KCNK10: variants seen among roughly 807,000 people sequenced by gnomAD.
KCNK10 encodes the protein potassium two pore domain channel subfamily K member 10, also known as potassium channel subfamily K member 10.
A neutral mutation model predicts 47.7 loss-of-function variants in KCNK10; 25 were observed. The ratio of observed to expected loss-of-function variants is 0.52; its 90% CI spans 0.38 to 0.73. The LOEUF is 0.73. Among genes scored for constraint, KCNK10 ranks in the 30% least tolerant of loss-of-function variants. KCNK10 has a pLI of 0.00. For missense variants in KCNK10, 563 were observed against 714.5 expected, an observed-to-expected ratio of 0.79 and a Z score of 2.42; for synonymous variants, 303 against 285.6, an observed-to-expected ratio of 1.06 and a Z score of -0.61.
intron 4 of KCNK10, among the ~76,000 whole-genome samples, chr14:88,193,558 CA>C (rs1167940533): frequency 1.3e-5 from 2 of 152,194 alleles, no homozygotes; most frequent in East Asian, 3.9e-4. Flanking sequence ...GGCCTTTCTA[CA>C]TTGCCTAGAT....
At chr14:88,301,141 T>C (rs1201916590) in intron 1 of KCNK10, among the ~76,000 whole-genome samples, 1 of 152,216 alleles carries the variant, frequency 6.6e-6, no homozygotes, top group Non-Finnish European at 1.5e-5. Context: ...GAGAATAACA[T>C]TCCTTGACAG....
intron 6 of KCNK10, among the ~76,000 whole-genome samples, chr14:88,187,681 A>AT (rs879752351): frequency 1.3e-5 from 2 of 148,834 alleles, no homozygotes; most frequent in African/African-American, 5.0e-5. Context: ...TTTCATTTTC[A>AT]TTTTTTTAAA....
intron 3 of KCNK10, among the ~76,000 whole-genome samples, chr14:88,232,387 G>A (rs2139879056): frequency 6.6e-6 from 1 of 152,270 alleles, no homozygotes; most frequent in East Asian, 1.9e-4. Context: ...CCTAACTAGT[G>A]GAAAATTGCT....
rs1340507424 is a variant in KCNK10, at chr14:88,182,898, T to G, written c.*2637A>C. On this transcript the variant is annotated 3_prime_UTR_variant, in exon 7 of 7. Coordinates refer to ENST00000319231, the MANE Select transcript of KCNK10 (RefSeq NM_138317.3). ...TTTAAAGGGTGCCACATACAAAATT[T>G]CCAAAACCAAATAAATGTACAGTAG... 1 of 152,292 alleles carries G rather than the reference T, an allele frequency of 6.6e-6. No individual in the cohort carries two copies. The highest frequency in any genetic ancestry group is 1.5e-5 in the Non-Finnish European group (1 of 68,042). The allele number at this position is 152,292 out of a possible 1,614,324, so 9.4% of individuals were successfully genotyped here.
At position 88,184,786 on chromosome 14, in the gene KCNK10, C is replaced by T. The variant is rs964667171; in HGVS notation, c.*749G>A. On this transcript the variant is annotated 3_prime_UTR_variant, in exon 7 of 7. Coordinates refer to ENST00000319231, the MANE Select transcript of KCNK10 (RefSeq NM_138317.3). ...CGCAGCAGTTGATGTCATGTTTTCA[C>T]CACTGCTCGCCAGTTCATGTGGACT... The T allele has an allele frequency of 1.0e-4, 16 of 152,392 alleles. No individual in the cohort carries two copies. Among genetic ancestry groups the T allele is most frequent in the Non-Finnish European group, 2.2e-4 (15 of 68,060 alleles). 9.4% of individuals were successfully genotyped at this position (152,392 alleles called of 1,614,324 possible).
intron 4 of KCNK10, among the ~76,000 whole-genome samples, chr14:88,192,708 G>A (rs1395448391): frequency 2.6e-5 from 4 of 152,212 alleles, no homozygotes; most frequent in Non-Finnish European, 2.9e-5. Context: ...TTCCATGACT[G>A]CAGCCCAAAT....
intron 1 of KCNK10, among the ~76,000 whole-genome samples, chr14:88,291,197 A>G (rs1595124824): frequency 6.6e-6 from 1 of 152,170 alleles, no homozygotes; most frequent in African/African-American, 2.4e-5. Flanking sequence ...CTAACTGTGC[A>G]CAGAAGCCAG....
At chr14:88,308,196 T>A (rs11627082) in intron 1 of KCNK10, among the ~76,000 whole-genome samples, 49,431 of 151,940 alleles carry the variant, frequency 0.33, 9,072 homozygotes, top group African/African-American at 0.5. Context: ...CTTAAAACAG[T>A]GCAGAAACCT....
chr14:88,306,220 T>C (rs1888199974), intron 1 of KCNK10, among the ~76,000 whole-genome samples: 1 of 152,148 alleles, frequency 6.6e-6, no homozygotes, highest in Non-Finnish European at 1.5e-5. Context: ...GAAATTCCTA[T>C]ACAACAAGCA....
chr14:88,292,962 G>C (rs1887912702), intron 1 of KCNK10, among the ~76,000 whole-genome samples: 2 of 151,646 alleles, frequency 1.3e-5, no homozygotes, highest in Admixed American at 1.3e-4. Context: ...TTGATGTTTT[G>C]ATTCATGTAA....
At chr14:88,192,014 G>C (rs1249896035) in intron 5 of KCNK10, among the ~76,000 whole-genome samples, 2 of 152,078 alleles carry the variant, frequency 1.3e-5, no homozygotes, top group East Asian at 3.9e-4. Context: ...AGAAGGAAAG[G>C]GTTGGCTTTC....
chr14:88,308,000 A>T (rs1485787089), intron 1 of KCNK10, among the ~76,000 whole-genome samples: 1 of 152,178 alleles, frequency 6.6e-6, no homozygotes, highest in Non-Finnish European at 1.5e-5. Flanking sequence ...GTTGGGAAGC[A>T]GACACAGAGA....
chr14:88,263,394 G>C lies in KCNK10; in HGVS notation c.210C>G (p.Thr70=), dbSNP rs772617028. The C allele has an allele frequency of 6.2e-7, 1 of 1,613,950 alleles. No homozygotes were observed. The highest frequency in any genetic ancestry group is 8.5e-7 in the Non-Finnish European group (1 of 1,180,050). ...MEGTSQGGLQ[T]VMKWKTVVAI... ...CAACCACCGTCTTCCACTTCATGAC[G>C]GTCTGCAAGCCCCCTTGGGAGGTGC... The change falls in exon 2 of 7, where the codon ACC becomes ACG. Residue 70 remains threonine, a synonymous_variant. Coordinates refer to ENST00000319231, the MANE Select transcript of KCNK10 (RefSeq NM_138317.3).
chr14:88,232,399 A>T (rs986278135), intron 3 of KCNK10, among the ~76,000 whole-genome samples: 1 of 152,248 alleles, frequency 6.6e-6, no homozygotes, highest in Non-Finnish European at 1.5e-5. Context: ...AAAATTGCTC[A>T]GGAAGAACTG....
intron 4 of KCNK10, among the ~76,000 whole-genome samples, chr14:88,200,199 A>G (rs939977739): frequency 3.3e-5 from 5 of 150,360 alleles, no homozygotes; most frequent in Non-Finnish European, 5.9e-5. Context: ...TTTTAATGTA[A>G]GCATCTAGGG....
chr14:88,189,512 C>T (rs1884681139), intron 5 of KCNK10, among the ~76,000 whole-genome samples: 1 of 152,142 alleles, frequency 6.6e-6, no homozygotes. Context: ...TATTACCCAG[C>T]AAAGATGGTC....
intron 1 of KCNK10, among the ~76,000 whole-genome samples, chr14:88,285,870 G>T (rs748944367): frequency 6.6e-6 from 1 of 152,178 alleles, no homozygotes; most frequent in Non-Finnish European, 1.5e-5. Context: ...TATTCCCCCC[G>T]TGAGAACATC....
At chr14:88,310,155 C>CATATACCATATCATATGGTATA (rs1317795127) in intron 1 of KCNK10, among the ~76,000 whole-genome samples, 501 of 23,942 alleles carry the variant, frequency 0.021, 42 homozygotes, top group African/African-American at 0.056. Context: ...CCATATCTCT[C>CATATACCATATCATATGGTATA]TCATATACCA....
rs767388100 is a variant in KCNK10 at position 88,188,125 on chromosome 14, T to C, written c.869-16A>G. ...GCGTTTCCCCCTGAAAACAACCAAATGTTACTTTAACCATGATCTAGCATA... is the reference window on the plus strand; with the variant it reads ...GCGTTTCCCCCTGAAAACAACCAAACGTTACTTTAACCATGATCTAGCATA... On this transcript the variant is annotated splice_polypyrimidine_tract_variant and intron_variant, in intron 5 of 6. Transcript: ENST00000319231. The C allele has an allele frequency of 1.2e-6, 2 of 1,613,960 alleles. No homozygotes were observed. Among genetic ancestry groups the C allele is most frequent in the Non-Finnish European group, 1.7e-6 (2 of 1,179,846 alleles).
Sources: gnomAD v4.1 joint callset for allele counts (sites outside exome capture counted in the v4.1 genomes callset) on GRCh38, gnomAD v4.1.1 for gene constraint, MANE v1.5 for transcripts, NCBI Gene and HGNC (gene_info 2026-07-23, HGNC 2026-07-21) for gene names.